The following MED16 variants were observed in gnomAD, a reference collection of about 807,000 sequenced individuals.
MED16 encodes mediator complex subunit 16, also known as mediator of RNA polymerase II transcription subunit 16.
Under a neutral mutation model 84.4 loss-of-function variants are expected in MED16, and 81 were observed. The observed-to-expected ratio is 0.96, with a 90% CI of 0.80 to 1.15. The LOEUF (loss-of-function observed/expected upper bound fraction) is 1.15. MED16 is among the 50% of genes most tolerant of loss of function. The probability of loss-of-function intolerance (pLI) is 0.00; values close to 1 mark genes in which losing one functional copy is unlikely to be tolerated. For synonymous variants in MED16, 897 were observed against 552.2 expected (o/e 1.62, Z -8.76); for missense variants, 1,585 against 1,245.9 (o/e 1.27, Z -4.10).
chr19:882,716 CAG>C (rs1329878525), intron 6 of MED16, among the ~76,000 whole-genome samples: 9 of 152,240 alleles, frequency 5.9e-5, no homozygotes, highest in Non-Finnish European at 1.0e-4. Flanking sequence ...GCCACAGAAA[CAG>C]AAACAGTGCA....
At chr19:874,211 T>G (rs1283580585) in intron 10 of MED16, among the ~76,000 whole-genome samples, 1 of 152,090 alleles carries the variant, frequency 6.6e-6, no homozygotes, top group African/African-American at 2.4e-5. Context: ...CCTCCCGGGT[T>G]CACGCCATTC....
At chr19:873,258 C>CAGGGGTGGGACTCCAAG (rs1568321481) in intron 11 of MED16, among the ~76,000 whole-genome samples, 191 bp downstream of exon 11, 10 of 111,174 alleles carry the variant, frequency 9.0e-5, no homozygotes, top group African/African-American at 2.6e-4. Context: ...GGGACTCCAA[C>CAGGGGTGGGACTCCAAG]CAGGGGCGGG....
intron 6 of MED16, among the ~76,000 whole-genome samples, chr19:883,875 CG>C (rs1049160625): frequency 2.6e-5 from 4 of 152,060 alleles, no homozygotes; most frequent in Non-Finnish European, 5.9e-5. Context: ...CCCTGGGGAC[CG>C]GGCGAAGGAA....
In MED16 at chr19:877,015, G is replaced by A. The variant is rs777655660; in HGVS notation, c.1519C>T (p.Leu507=). The A allele has an allele frequency of 2.1e-5, 34 of 1,612,054 alleles. No individual in the cohort carries two copies. The highest frequency in any genetic ancestry group is 2.8e-5 in the Non-Finnish European group (33 of 1,179,752). ...PSMVQSLVEK[L]HEEYTRQTAA... Reference sequence around the variant, plus strand: ...GTCTGGCGCGTGTACTCCTCGTGCAGCTTCTCCACCAGGCTCTGTACCATA... The same window carrying A: ...GTCTGGCGCGTGTACTCCTCGTGCAACTTCTCCACCAGGCTCTGTACCATA... Residue 507 remains leucine, a synonymous_variant, in exon 9 of 16, where the codon CTG becomes TTG. Transcript: ENST00000325464.
intron 9 of MED16, among the ~76,000 whole-genome samples, 174 bp from the exon 10 acceptor site, chr19:875,628 G>A (rs909205215): frequency 2.6e-5 from 4 of 152,228 alleles, no homozygotes; most frequent in South Asian, 2.1e-4. Context: ...AAGACCAGGC[G>A]CACAGGACCA....
Position 870,916 on chromosome 19 carries a change from T to G in MED16, c.2315+121A>C, listed in dbSNP as rs1429328372. On this transcript the variant is annotated intron_variant, in intron 13 of 15. Coordinates refer to ENST00000325464, the MANE Select transcript of MED16 (RefSeq NM_005481.3). ...CAGGACATGGAGGCGGGGAGCCGTGTGGATTCGGGGGGACCTGGGGCAGGA... is the reference window on the plus strand; with the variant it reads ...CAGGACATGGAGGCGGGGAGCCGTGGGGATTCGGGGGGACCTGGGGCAGGA... 47 of 867,898 alleles carry G rather than the reference T, an allele frequency of 5.4e-5. 1 individual carries two copies. The highest frequency in any genetic ancestry group is 6.9e-5 in the Non-Finnish European group (43 of 627,128). The allele number at this position is 867,898 out of a possible 1,614,324, so 53.8% of individuals were successfully genotyped here. A position where few individuals can be genotyped will look rare whatever the true frequency, so the allele number is the denominator to read the frequency against.
chr19:874,407 G>C (rs2036179432), intron 10 of MED16, among the ~76,000 whole-genome samples: 1 of 152,090 alleles, frequency 6.6e-6, no homozygotes, highest in South Asian at 2.1e-4. Context: ...GCCACGCCCA[G>C]CAACCCTAAT....
At chr19:889,525 G>A (rs1035435420) in intron 4 of MED16, 113 bp downstream of exon 4, 2 of 1,317,972 alleles carry the variant, frequency 1.5e-6, no homozygotes, top group Non-Finnish European at 1.0e-6. Flanking sequence ...GGAGCCAAGT[G>A]CAAGGTCCAA....
At chr19:868,670 T>C (rs1235003580) in intron 14 of MED16, among the ~76,000 whole-genome samples, 171 bp from the exon 15 acceptor site, 2 of 152,066 alleles carry the variant, frequency 1.3e-5, no homozygotes, top group Non-Finnish European at 2.9e-5. Flanking sequence ...CCCCCAGCAA[T>C]GCTGCTCCCT....
chr19:879,652 C>T (rs1184337775), intron 8 of MED16, among the ~76,000 whole-genome samples: 138 of 70,546 alleles, frequency 2.0e-3, no homozygotes, highest in South Asian at 3.7e-3. Context: ...AGCTCACGTT[C>T]CCCTGGTTGT....
At chr19:872,879 G>T in intron 11 of MED16, 1 of 848,628 alleles carries the variant, frequency 1.2e-6, no homozygotes, top group Non-Finnish European at 1.5e-6. Context: ...TTGAGAATGG[G>T]CAGGAAGGGT....
intron 9 of MED16, 82 bp from the exon 10 acceptor site, chr19:875,536 G>T: frequency 8.8e-7 from 1 of 1,141,548 alleles, no homozygotes; most frequent in Non-Finnish European, 1.2e-6. Context: ...AGAGCAGTTC[G>T]ACTCTGACAC....
chr19:873,514 G>A lies in MED16; in HGVS notation c.1840C>T (p.Leu614=), dbSNP rs755086892. The change falls in exon 11 of 16, where the codon CTG becomes TTG. Residue 614 remains leucine, a synonymous_variant. Coordinates refer to ENST00000325464, the MANE Select transcript of MED16 (RefSeq NM_005481.3). ...CCCACCCACTGCAAGAGCTGCTGCAGCGCCTGCAGTGTGTTCATGTCCAGC... is the reference window on the plus strand; with the variant it reads ...CCCACCCACTGCAAGAGCTGCTGCAACGCCTGCAGTGTGTTCATGTCCAGC... The part of the protein sequence containing the change: ...FVLDMNTLQA[L]QQLLQWVGDF... 7 of 1,612,148 alleles carry A rather than the reference G, an allele frequency of 4.3e-6. No homozygotes were observed. The East Asian group carries it at 8.9e-5, about 21-fold the overall frequency.
chr19:878,886 C>T (rs1301221327), intron 8 of MED16, among the ~76,000 whole-genome samples: 2 of 142,496 alleles, frequency 1.4e-5, no homozygotes, highest in Non-Finnish European at 3.0e-5. Context: ...GCCCCAGCAG[C>T]TCACCTTTCC....
chr19:879,440 G>A (rs868412796), intron 8 of MED16, among the ~76,000 whole-genome samples: 15 of 8,716 alleles, frequency 1.7e-3, no homozygotes, highest in Admixed American at 3.5e-3. Context: ...CCAGCCCCAC[G>A]TGCCCCAGCA....
At chr19:882,327 G>A (rs927502976) in intron 6 of MED16, among the ~76,000 whole-genome samples, 4 of 152,148 alleles carry the variant, frequency 2.6e-5, no homozygotes, top group Non-Finnish European at 4.4e-5. Context: ...GGACAACACA[G>A]CAAGACCCCA....
rs1416215358 is a variant in MED16, at chr19:886,260, A to G, written c.448-59T>C. 1.2e-5 allele frequency: 16 copies of G among 1,378,146 alleles called. No homozygotes were observed. In the East Asian group the frequency reaches 4.0e-4, roughly 35 times the overall value. 85.4% of individuals were successfully genotyped at this position (1,378,146 alleles called of 1,614,324 possible). A position where few individuals can be genotyped will look rare whatever the true frequency, so the allele number is the denominator to read the frequency against. On this transcript the variant is annotated intron_variant, in intron 4 of 15. Coordinates refer to ENST00000325464, the MANE Select transcript of MED16 (RefSeq NM_005481.3). ...TCAGGCTCATGGGGGCTGCCCCATG[A>G]CCCCCAGAAACACGCGCACAGAAGA...
chr19:871,640 A>G, intron 12 of MED16: 1 of 1,594,098 alleles, frequency 6.3e-7, no homozygotes, highest in Non-Finnish European at 8.5e-7. Context: ...GCACCCACAC[A>G]GAGCATGGAC....
chr19:889,189 C>T (rs1727293511), intron 4 of MED16, among the ~76,000 whole-genome samples: 1 of 149,648 alleles, frequency 6.7e-6, no homozygotes, highest in Non-Finnish European at 1.5e-5. Context: ...TAACTGTCCC[C>T]CCCAACCCTG....
Sources: gnomAD v4.1 joint callset for allele counts (sites outside exome capture counted in the v4.1 genomes callset) on GRCh38, gnomAD v4.1.1 for gene constraint, MANE v1.5 for transcripts, NCBI Gene and HGNC (gene_info 2026-07-23, HGNC 2026-07-21) for gene names.